Variants in PRKN observed in about 807,000 individuals in gnomAD.
The protein encoded by PRKN is E3 ubiquitin-protein ligase parkin.
Under a neutral mutation model 59.5 loss-of-function variants are expected in PRKN, and 56 were observed. The ratio of observed to expected loss-of-function variants is 0.94; its 90% CI spans 0.76 to 1.18. The LOEUF is 1.18. PRKN is among the 50% of genes most tolerant of loss of function. The pLI, the probability that PRKN is intolerant of heterozygous loss-of-function variation, is 0.00. For missense variants in PRKN, 657 were observed against 596.4 expected (o/e 1.10, Z -1.06); for synonymous variants, 250 against 222.1 (o/e 1.13, Z -1.12).
chr6:162,617,668 T>C (rs1208418607), intron 1 of PRKN, among the ~76,000 whole-genome samples: 1 of 152,242 alleles, frequency 6.6e-6, no homozygotes, highest in Non-Finnish European at 1.5e-5. Flanking sequence ...TTTCAGCATT[T>C]TTAGATTCCA....
intron 1 of PRKN, among the ~76,000 whole-genome samples, chr6:162,554,457 G>A (rs750815951): frequency 2.0e-5 from 3 of 152,124 alleles, no homozygotes; most frequent in Non-Finnish European, 2.9e-5. Context: ...AGCCGAGATC[G>A]CCCCATTGCA....
intron 2 of PRKN, among the ~76,000 whole-genome samples, chr6:162,269,138 G>T (rs1364766592): frequency 6.6e-6 from 1 of 152,124 alleles, no homozygotes; most frequent in East Asian, 1.9e-4. Context: ...GCTGGCTCAA[G>T]GTAAAGTCTG....
chr6:162,546,100 G>GTTTT lies in PRKN; in HGVS notation c.8-102631_8-102628dup, dbSNP rs11396761. ...CAATTACCATGTAAAAGTGTATGCA[G>GTTTT]TTTTTTTTTTTTTTTTTTTTTGAGA... On this transcript the variant is annotated intron_variant, in intron 1 of 11. Coordinates refer to ENST00000366898, the MANE Select transcript of PRKN (RefSeq NM_004562.3). Among the ~76,000 whole-genome samples, 210 of 116,626 alleles carry GTTTT rather than the reference G, an allele frequency of 1.8e-3. 7 individuals are homozygous for GTTTT. The highest frequency in any genetic ancestry group is 4.0e-3 in the African/African-American group (113 of 28,514). The allele number at this position is 116,626 out of a possible 152,430, so 76.5% of individuals were successfully genotyped here. A position where few individuals can be genotyped will look rare whatever the true frequency, so the allele number is the denominator to read the frequency against.
chr6:162,019,812 A>C (rs966685337), intron 5 of PRKN, among the ~76,000 whole-genome samples: 2 of 152,144 alleles, frequency 1.3e-5, no homozygotes, highest in Non-Finnish European at 2.9e-5. Flanking sequence ...TGAGGTCAGG[A>C]GCTCGAGACC....
Position 161,531,306 on chromosome 6 carries a change from G to A in PRKN, c.1083+17548C>T, listed in dbSNP as rs186190405. Among the ~76,000 whole-genome samples the A allele has an allele frequency of 1.4e-3, 217 of 151,888 alleles. 1 individual carries two copies. The highest frequency in any genetic ancestry group is 4.7e-3 in the African/African-American group (195 of 41,426). The stretch of plus-strand genomic sequence containing the variant: ...TGAGGGAGGAGAATGGCGTGAACCC[G>A]GGAGGCAGAGCTTGCAGTGAGCCGA... On this transcript the variant is annotated intron_variant, in intron 9 of 11. Transcript: ENST00000366898.
intron 4 of PRKN, among the ~76,000 whole-genome samples, chr6:162,179,587 G>A (rs1432431809): frequency 6.6e-6 from 1 of 152,138 alleles, no homozygotes; most frequent in Non-Finnish European, 1.5e-5. Flanking sequence ...GGACTTTCTG[G>A]AAAAGGTCTA....
intron 1 of PRKN, among the ~76,000 whole-genome samples, chr6:162,603,204 T>C (rs1781778612): frequency 6.6e-6 from 1 of 152,170 alleles, no homozygotes; most frequent in Non-Finnish European, 1.5e-5. Flanking sequence ...GTTGCAGAGA[T>C]ACCTCTAAAA....
chr6:161,706,056 G>A lies in PRKN; in HGVS notation c.871+79716C>T, dbSNP rs528677892. The stretch of plus-strand genomic sequence containing the variant: ...TTTCCCCTGCATACCAGATAATGTG[G>A]CCCTTCGCTGTTCCACACATTGCAG... On this transcript the variant is annotated intron_variant, in intron 7 of 11. Transcript: ENST00000366898. Among the ~76,000 whole-genome samples the A allele has an allele frequency of 2.6e-5, 4 of 151,496 alleles. No individual in the cohort carries two copies. In the South Asian group the frequency reaches 6.3e-4, roughly 24 times the overall value.
In PRKN at chr6:161,444,015, A is replaced by C. The variant is rs898156304; in HGVS notation, c.1084-57138T>G. 6.6e-6 allele frequency among the ~76,000 whole-genome samples: 1 copy of C among 152,248 alleles called. No homozygotes were observed. On this transcript the variant is annotated intron_variant, in intron 9 of 11. Transcript: ENST00000366898. The surrounding 1 kb of genome is among the most constrained non-coding windows in gnomAD (Gnocchi z 5.6). ...ATGAAATTCGATTCAGTGTGCACGA[A>C]CTAACTAGGAGGCGCCAGGCTTAGG... is the stretch of plus-strand genomic sequence containing the variant.
At chr6:162,648,431 G>A (rs1241138105) in intron 1 of PRKN, among the ~76,000 whole-genome samples, 1 of 147,348 alleles carries the variant, frequency 6.8e-6, no homozygotes, top group Non-Finnish European at 1.5e-5. Context: ...TCCCAAGCTG[G>A]AGTGCAGTGG....
intron 2 of PRKN, among the ~76,000 whole-genome samples, chr6:162,302,971 C>A (rs1388804051): frequency 6.7e-6 from 1 of 150,200 alleles, no homozygotes; most frequent in Admixed American, 6.7e-5. Context: ...CATACACACA[C>A]ACACACACAC....
chr6:162,160,310 A>T (rs572397396), intron 4 of PRKN, among the ~76,000 whole-genome samples: 2 of 152,224 alleles, frequency 1.3e-5, no homozygotes, highest in East Asian at 3.9e-4. Context: ...GATGGTCAAT[A>T]GTATTAGTCA....
intron 10 of PRKN, among the ~76,000 whole-genome samples, chr6:161,382,891 T>C (rs969599557): frequency 3.9e-5 from 6 of 152,128 alleles, no homozygotes; most frequent in Non-Finnish European, 5.9e-5. Context: ...GGCTGGAGCA[T>C]GTAATGTGCA....
intron 2 of PRKN, among the ~76,000 whole-genome samples, chr6:162,407,788 G>GA (rs1306735709): frequency 2.6e-5 from 4 of 151,060 alleles, no homozygotes; most frequent in African/African-American, 7.3e-5. Flanking sequence ...GTGAAATAAG[G>GA]AAAAAAACGA....
chr6:161,617,467 T>C (rs1782739603), intron 7 of PRKN, among the ~76,000 whole-genome samples: 1 of 152,226 alleles, frequency 6.6e-6, no homozygotes. Context: ...GAGAAGAAAA[T>C]GTACTTGCTC....
At chr6:161,486,247 T>TG (rs1235198123) in intron 9 of PRKN, among the ~76,000 whole-genome samples, 2 of 62,214 alleles carry the variant, frequency 3.2e-5, no homozygotes, top group South Asian at 5.8e-4. Context: ...AACAGTTATG[T>TG]GTTTTTTTTA....
At chr6:161,729,850 T>C (rs1245397263) in intron 7 of PRKN, among the ~76,000 whole-genome samples, 1 of 150,712 alleles carries the variant, frequency 6.6e-6, no homozygotes, top group East Asian at 1.9e-4. Context: ...TCTGATGTGC[T>C]GCATTCTGAC....
At chr6:162,221,282 A>T (rs1311669440) in intron 3 of PRKN, among the ~76,000 whole-genome samples, 1 of 152,158 alleles carries the variant, frequency 6.6e-6, no homozygotes, top group Non-Finnish European at 1.5e-5. Flanking sequence ...GATGACACTG[A>T]ATTTGCAGCA....
chr6:161,548,867 C>A lies in PRKN; in HGVS notation c.1070G>T (p.Gly357Val), dbSNP rs764212924. 6 of 1,614,174 alleles carry A rather than the reference C, an allele frequency of 3.7e-6. No homozygotes were observed. The South Asian group carries it at 6.6e-5, about 18-fold the overall frequency. Residue 357 changes from glycine (G) to valine (V), a missense_variant, in exon 9 of 12, where the codon GGC becomes GTC. Coordinates refer to ENST00000366898, the MANE Select transcript of PRKN (RefSeq NM_004562.3). The surrounding 1 kb of genome is among the most constrained non-coding windows in gnomAD (Gnocchi z 4.2). Reference sequence around the variant, plus strand: ...GGCAGTACTCACCCCACAGCCCAGGCCATTGCCCCCTTCGCAGGTGACTTT... The same window carrying A: ...GGCAGTACTCACCCCACAGCCCAGGACATTGCCCCCTTCGCAGGTGACTTT... ...QRKVTCEGGN[G>V]LGCGFAFCRE...
Sources: allele counts gnomAD v4.1 joint callset (sites outside exome capture counted in the v4.1 genomes callset), GRCh38; gene constraint gnomAD v4.1.1; non-coding constraint Gnocchi (gnomAD v3.1); transcripts MANE v1.5; gene names NCBI Gene and HGNC (gene_info 2026-07-23, HGNC 2026-07-21).